Variants in FMNL2 observed in about 807,000 individuals in gnomAD.
FMNL2 encodes the protein formin like 2, also known as formin-like protein 2.
A neutral mutation model predicts 130.2 loss-of-function variants in FMNL2; 51 were observed. The ratio of observed to expected loss-of-function variants is 0.39; its 90% CI spans 0.31 to 0.49. The LOEUF is 0.49. FMNL2 is among the 20% of genes least tolerant of loss of function. The pLI, the probability that FMNL2 is intolerant of heterozygous loss-of-function variation, is 0.85. For missense variants in FMNL2, 977 were observed against 1,316.2 expected, an observed-to-expected ratio of 0.74 and a Z score of 3.99; for synonymous variants, 465 against 467.1, an observed-to-expected ratio of 1.00 and a Z score of 0.06.
At chr2:152,447,393 G>A (rs552744040) in intron 1 of FMNL2, among the ~76,000 whole-genome samples, 6 of 152,258 alleles carry the variant, frequency 3.9e-5, no homozygotes, top group African/African-American at 1.4e-4. Context: ...GTGAGTCACT[G>A]TGGTCAGCCA....
At chr2:152,560,474 G>C (rs779242711) in intron 5 of FMNL2, among the ~76,000 whole-genome samples, 1 of 152,178 alleles carries the variant, frequency 6.6e-6, no homozygotes, top group Non-Finnish European at 1.5e-5. Flanking sequence ...AAAATGCTCA[G>C]TGAAAATTGA....
At chr2:152,442,169 C>T (rs1282921859) in intron 1 of FMNL2, among the ~76,000 whole-genome samples, 1 of 152,076 alleles carries the variant, frequency 6.6e-6, no homozygotes, top group Non-Finnish European at 1.5e-5. Flanking sequence ...TCAGCGTCAC[C>T]TACTGGTCCT....
intron 9 of FMNL2, among the ~76,000 whole-genome samples, chr2:152,594,319 A>G (rs1242761793): frequency 2.0e-5 from 3 of 152,236 alleles, no homozygotes; most frequent in African/African-American, 7.2e-5. Flanking sequence ...AAAACAAGGT[A>G]CCTAGATAAT....
At chr2:152,510,531 A>C (rs1692443478) in intron 1 of FMNL2, among the ~76,000 whole-genome samples, 1 of 152,190 alleles carries the variant, frequency 6.6e-6, no homozygotes, top group Non-Finnish European at 1.5e-5. Context: ...AAAATTATGA[A>C]AGTGTTCCCT....
intron 1 of FMNL2, among the ~76,000 whole-genome samples, chr2:152,342,793 A>G (rs895915375): frequency 6.6e-6 from 1 of 152,222 alleles, no homozygotes; most frequent in South Asian, 2.1e-4. Flanking sequence ...TTGAACTGTG[A>G]TCTCAACCAA....
At chr2:152,570,697 C>T (rs1696124412) in intron 6 of FMNL2, among the ~76,000 whole-genome samples, 1 of 152,184 alleles carries the variant, frequency 6.6e-6, no homozygotes, top group Admixed American at 6.5e-5. Context: ...AGGGAACCTT[C>T]CCCAAGTCAC....
chr2:152,489,227 C>A (rs80193790), intron 1 of FMNL2, among the ~76,000 whole-genome samples: 179 of 150,988 alleles, frequency 1.2e-3, no homozygotes, highest in African/African-American at 4.4e-3. Flanking sequence ...AAAACAAGAA[C>A]AAAGTAATTC....
chr2:152,494,454 G>A (rs966275325), intron 1 of FMNL2, among the ~76,000 whole-genome samples: 2 of 152,168 alleles, frequency 1.3e-5, no homozygotes, highest in African/African-American at 4.8e-5. Context: ...CAATAATAAT[G>A]CTGCAGTGTT....
intron 1 of FMNL2, among the ~76,000 whole-genome samples, chr2:152,504,187 G>T (rs1250295642): frequency 1.3e-5 from 2 of 152,056 alleles, no homozygotes; most frequent in African/African-American, 4.8e-5. Context: ...CGAGACTCTG[G>T]CTCAACAATA....
intron 4 of FMNL2, among the ~76,000 whole-genome samples, chr2:152,550,032 A>T (rs1579939700): frequency 6.6e-6 from 1 of 152,212 alleles, no homozygotes; most frequent in Non-Finnish European, 1.5e-5. Context: ...ACATACAGTA[A>T]GTTCTGTCTC....
chr2:152,350,229 G>A (rs546655367), intron 1 of FMNL2, among the ~76,000 whole-genome samples: 12 of 152,102 alleles, frequency 7.9e-5, no homozygotes, highest in Non-Finnish European at 1.5e-4. Flanking sequence ...TCCGTTTGCT[G>A]GTTCAGGAGC....
chr2:152,348,821 T>C (rs1289380707), intron 1 of FMNL2, among the ~76,000 whole-genome samples: 6 of 104,160 alleles, frequency 5.8e-5, no homozygotes, highest in Admixed American at 3.6e-4. Context: ...TCTAAGGGTT[T>C]TTTTTTTTTT....
At chr2:152,453,257 G>A (rs965735657) in intron 1 of FMNL2, among the ~76,000 whole-genome samples, 6 of 152,092 alleles carry the variant, frequency 3.9e-5, no homozygotes, top group African/African-American at 1.4e-4. Context: ...AAATACGGCT[G>A]AATGAAAGGT....
At chr2:152,572,079 G>A (rs1696200148) in intron 6 of FMNL2, among the ~76,000 whole-genome samples, 1 of 152,066 alleles carries the variant, frequency 6.6e-6, no homozygotes, top group African/African-American at 2.4e-5. Context: ...TTTTTCTAAT[G>A]ATATTTGGTT....
At chr2:152,490,569 ATGTGTGTGTGTG>A (rs58838989) in intron 1 of FMNL2, among the ~76,000 whole-genome samples, 144 of 108,564 alleles carry the variant, frequency 1.3e-3, no homozygotes, top group East Asian at 4.0e-3. Flanking sequence ...TTGCTATCCA[ATGTGTGTGTGTG>A]TGTGTGTGTG....
chr2:152,463,632 T>G (rs1689368130), intron 1 of FMNL2, among the ~76,000 whole-genome samples: 1 of 152,186 alleles, frequency 6.6e-6, no homozygotes, highest in South Asian at 2.1e-4. Context: ...CAGTCTTAGA[T>G]AAAATAAAAG....
In FMNL2 at chr2:152,571,997, C is replaced by T. The variant is rs184395483; in HGVS notation, c.597-3139C>T. Reference sequence around the variant, plus strand: ...TCTTTTTTTCTGTGGAAACTGTTTGCCACTGAATTCAGCCTTATTGTTATC... The same window carrying T: ...TCTTTTTTTCTGTGGAAACTGTTTGTCACTGAATTCAGCCTTATTGTTATC... On this transcript the variant is annotated intron_variant, in intron 6 of 25. Transcript: ENST00000288670. Among the ~76,000 whole-genome samples, 79 of 151,912 alleles carry T rather than the reference C, an allele frequency of 5.2e-4. 1 individual carries two copies. The highest frequency in any genetic ancestry group is 1.2e-3 in the East Asian group (6 of 5,162).
At chr2:152,335,841 C>T in intron 1 of FMNL2, 121 bp downstream of exon 1, 1 of 635,252 alleles carries the variant, frequency 1.6e-6, no homozygotes, top group South Asian at 2.4e-5. Flanking sequence ...GAGGGGGAGG[C>T]TCCCGCTTTC....
At chr2:152,341,433 T>G (rs979932440) in intron 1 of FMNL2, among the ~76,000 whole-genome samples, 1 of 152,144 alleles carries the variant, frequency 6.6e-6, no homozygotes, top group African/African-American at 2.4e-5. Flanking sequence ...TGATGAAATT[T>G]GGGGAGAGAT....
Sources: gnomAD v4.1 joint callset for allele counts (sites outside exome capture counted in the v4.1 genomes callset) on GRCh38, gnomAD v4.1.1 for gene constraint, MANE v1.5 for transcripts, NCBI Gene and HGNC (gene_info 2026-07-23, HGNC 2026-07-21) for gene names.